The following POU2F1 variants were observed in gnomAD, a reference collection of about 807,000 sequenced individuals.
POU2F1 encodes the protein POU domain, class 2, transcription factor 1.
POU2F1 carries 16 observed loss-of-function variants against 84.9 expected under a neutral mutation model. The observed-to-expected ratio is 0.19, with a 90% CI of 0.13 to 0.29. The LOEUF (loss-of-function observed/expected upper bound fraction) is 0.29. POU2F1 is among the 10% of genes least tolerant of loss of function. The pLI is 1.00. For synonymous variants in POU2F1, 368 were observed against 368.3 expected, an observed-to-expected ratio of 1.00 and a Z score of 0.01; for missense variants, 738 against 942.6, an observed-to-expected ratio of 0.78 and a Z score of 2.84.
intron 1 of POU2F1, among the ~76,000 whole-genome samples, chr1:167,221,562 G>C (rs1648185850): frequency 6.7e-6 from 1 of 149,822 alleles, no homozygotes; most frequent in Admixed American, 6.6e-5. Flanking sequence ...CCCGGGCGGG[G>C]GGGCGCTGCC....
At chr1:167,399,759 C>T (rs1035839511) in intron 12 of POU2F1, among the ~76,000 whole-genome samples, 1 of 151,998 alleles carries the variant, frequency 6.6e-6, no homozygotes, top group African/African-American at 2.4e-5. Context: ...CTGCAACCTC[C>T]GCCTCCTGGG....
chr1:167,386,536 C>T (rs1647997256), intron 8 of POU2F1, among the ~76,000 whole-genome samples: 1 of 152,198 alleles, frequency 6.6e-6, no homozygotes, highest in Admixed American at 6.5e-5. Context: ...CCCAGCAGTT[C>T]TGTCCCTAGA....
intron 1 of POU2F1, among the ~76,000 whole-genome samples, chr1:167,300,350 A>G (rs1654598929): frequency 6.6e-6 from 1 of 152,224 alleles, no homozygotes; most frequent in Non-Finnish European, 1.5e-5. Flanking sequence ...GTTCAATAGA[A>G]GCCAAAACTT....
intron 2 of POU2F1, among the ~76,000 whole-genome samples, chr1:167,334,884 AG>A (rs1657334808): frequency 6.6e-6 from 1 of 152,248 alleles, no homozygotes; most frequent in South Asian, 2.1e-4. Flanking sequence ...TTAACATTAT[AG>A]TAAAACTGAA....
rs560077430 is a variant in POU2F1, at chr1:167,424,880, G to T, written c.*9070G>T. 4 of 152,118 alleles carry T rather than the reference G, an allele frequency of 2.6e-5. No individual in the cohort carries two copies. The South Asian group carries it at 8.3e-4, about 32-fold the overall frequency. 9.4% of individuals were successfully genotyped at this position (152,118 alleles called of 1,614,324 possible). A position where few individuals can be genotyped will look rare whatever the true frequency, so the allele number is the denominator to read the frequency against. ...CTTCTGTACTTGCCTTTTCCTTGGTGGGGTAGAGGCCAACCCCTTCTCCTC... is the reference window on the plus strand; with the variant it reads ...CTTCTGTACTTGCCTTTTCCTTGGTTGGGTAGAGGCCAACCCCTTCTCCTC... On this transcript the variant is annotated 3_prime_UTR_variant, in exon 16 of 16. Coordinates refer to ENST00000367866, the MANE Select transcript of POU2F1 (RefSeq NM_002697.4).
At chr1:167,301,638 A>T (rs1654708423) in intron 1 of POU2F1, among the ~76,000 whole-genome samples, 1 of 152,192 alleles carries the variant, frequency 6.6e-6, no homozygotes, top group African/African-American at 2.4e-5. Flanking sequence ...AGGTCTCAAG[A>T]TGTGCCAATG....
In POU2F1 at chr1:167,415,773, C is replaced by T. The variant is rs1349023910; in HGVS notation, c.2264C>T (p.Ala755Val). The T allele has an allele frequency of 6.2e-6, 10 of 1,613,986 alleles. No homozygotes were observed. The highest frequency in any genetic ancestry group is 8.5e-6 in the Non-Finnish European group (10 of 1,180,006). Reference sequence around the variant, plus strand: ...TTCACAGTGGCCTCTGCCAGCGGGGCTGCGTCCACCACCACCACCGCCTCC... The same window carrying T: ...TTCACAGTGGCCTCTGCCAGCGGGGTTGCGTCCACCACCACCACCGCCTCC... ...SLFTVASASG[A>V]ASTTTTASKA... Residue 755 changes from alanine (A) to valine (V), a missense_variant, in exon 16 of 16, where the codon GCT (alanine) becomes GTT (valine). By Grantham distance (64) the Ala-to-Val change is moderately conservative. This residue lies in a region of POU2F1 where 319 missense variants were observed against 386.0 expected (regional missense o/e 0.83). Transcript: ENST00000367866.
intron 1 of POU2F1, chr1:167,241,442 T>C (rs1649898061): frequency 6.6e-6 from 1 of 152,126 alleles, no homozygotes; most frequent in Non-Finnish European, 1.5e-5. Flanking sequence ...GCCAGCAAAA[T>C]GTTACTTCAG....
chr1:167,346,980 CA>C (rs1658248377), intron 2 of POU2F1, among the ~76,000 whole-genome samples: 1 of 152,264 alleles, frequency 6.6e-6, no homozygotes, highest in Admixed American at 6.5e-5. Context: ...AAAAAATGAG[CA>C]GTAGCTAAGT....
At chr1:167,352,027 C>CAAAA (rs1003640655) in intron 2 of POU2F1, among the ~76,000 whole-genome samples, 1 of 152,148 alleles carries the variant, frequency 6.6e-6, no homozygotes, top group Non-Finnish European at 1.5e-5. Flanking sequence ...AAGTGTGTCT[C>CAAAA]TTTTAAGAGA....
At chr1:167,319,412 A>C (rs576168616) in intron 1 of POU2F1, among the ~76,000 whole-genome samples, 1 of 152,122 alleles carries the variant, frequency 6.6e-6, no homozygotes, top group Non-Finnish European at 1.5e-5. Context: ...CAAAAAATTT[A>C]AAGTCAGTAA....
chr1:167,364,528 CAA>C (rs1157561323), intron 2 of POU2F1, among the ~76,000 whole-genome samples: 14 of 51,824 alleles, frequency 2.7e-4, no homozygotes, highest in African/African-American at 2.6e-4. Flanking sequence ...AGCTCCGTCT[CAA>C]AAAAAAAAAA....
In POU2F1 at chr1:167,425,016, G is replaced by A. The variant is rs1650869173; in HGVS notation, c.*9206G>A. The A allele has an allele frequency of 6.6e-6, 1 of 151,570 alleles. No individual in the cohort carries two copies. The highest frequency in any genetic ancestry group is 6.6e-5 in the Admixed American group (1 of 15,218). 9.4% of individuals were successfully genotyped at this position (151,570 alleles called of 1,614,324 possible). A position where few individuals can be genotyped will look rare whatever the true frequency, so the allele number is the denominator to read the frequency against. ...CATTTCACTTTTTTTCCTTTGACAT[G>A]ACCAAAAATATCCAAATATTTAAGT... On this transcript the variant is annotated 3_prime_UTR_variant, in exon 16 of 16. Coordinates refer to ENST00000367866, the MANE Select transcript of POU2F1 (RefSeq NM_002697.4).
At chr1:167,227,442 T>C (rs1198951011) in intron 1 of POU2F1, among the ~76,000 whole-genome samples, 2 of 152,130 alleles carry the variant, frequency 1.3e-5, no homozygotes, top group Non-Finnish European at 2.9e-5. Context: ...AAACGACTCA[T>C]TTGTGCTTAA....
chr1:167,293,078 TCCC>T (rs1441186244), intron 1 of POU2F1, among the ~76,000 whole-genome samples: 1 of 152,068 alleles, frequency 6.6e-6, no homozygotes, highest in South Asian at 2.1e-4. Context: ...TTGAAAACAT[TCCC>T]CCTGAGAACT....
chr1:167,262,340 T>G (rs1448063106), intron 1 of POU2F1, among the ~76,000 whole-genome samples: 1 of 152,162 alleles, frequency 6.6e-6, no homozygotes, highest in African/African-American at 2.4e-5. Flanking sequence ...GCTTCTTTCT[T>G]TTAGTGTGGC....
At chr1:167,308,093 G>T (rs1213513534) in intron 1 of POU2F1, among the ~76,000 whole-genome samples, 1 of 149,382 alleles carries the variant, frequency 6.7e-6, no homozygotes, top group Non-Finnish European at 1.5e-5. Flanking sequence ...TTTAGACGGA[G>T]CCTTGCTCTG....
At chr1:167,336,026 AAATT>A (rs1311202972) in intron 2 of POU2F1, among the ~76,000 whole-genome samples, 2 of 152,232 alleles carry the variant, frequency 1.3e-5, no homozygotes, top group Non-Finnish European at 2.9e-5. Flanking sequence ...ATATTGAAAA[AAATT>A]AAAAGATATG....
At chr1:167,405,577 G>A (rs1384000963) in intron 13 of POU2F1, among the ~76,000 whole-genome samples, 2 of 151,886 alleles carry the variant, frequency 1.3e-5, no homozygotes, top group African/African-American at 2.4e-5. Flanking sequence ...AGTCCTAGCT[G>A]CTCGGGAGGC....
Sources: gnomAD v4.1 joint callset for allele counts (sites outside exome capture counted in the v4.1 genomes callset) on GRCh38, gnomAD v4.1.1 for gene constraint, gnomAD v4.1.1 regional missense constraint, MANE v1.5 for transcripts, NCBI Gene and HGNC (gene_info 2026-07-23, HGNC 2026-07-21) for gene names.